Variants in SLC13A3 observed in about 807,000 individuals in gnomAD.
SLC13A3 encodes the protein solute carrier family 13 member 3, also known as Na(+)/dicarboxylate cotransporter 3.
A neutral mutation model predicts 59.0 loss-of-function variants in SLC13A3; 40 were observed. The observed-to-expected ratio is 0.68, with a 90% CI of 0.53 to 0.88. The LOEUF (loss-of-function observed/expected upper bound fraction) is 0.88. Ranked by LOEUF, SLC13A3 falls within the 40% of genes least tolerant of loss-of-function variation. The pLI is 0.00. For synonymous variants in SLC13A3, 317 were observed against 330.3 expected (o/e 0.96, Z 0.44); for missense variants, 699 against 783.2 (o/e 0.89, Z 1.28).
chr20:46,634,550 G>A (rs767642153), intron 1 of SLC13A3, among the ~76,000 whole-genome samples: 3 of 152,094 alleles, frequency 2.0e-5, no homozygotes, highest in South Asian at 2.1e-4. Flanking sequence ...CCCTACAGTG[G>A]ACTCTGTTAG....
chr20:46,680,346 C>T (rs111880188), intron 1 of SLC13A3, among the ~76,000 whole-genome samples: 1,952 of 152,308 alleles, frequency 0.013, 35 homozygotes, highest in African/African-American at 0.043. Flanking sequence ...AATGACATCA[C>T]GATAATGATA....
At chr20:46,616,680 A>T (rs1346439726) in intron 1 of SLC13A3, among the ~76,000 whole-genome samples, 1 of 152,222 alleles carries the variant, frequency 6.6e-6, no homozygotes, top group Non-Finnish European at 1.5e-5. Flanking sequence ...GCAAACAAGG[A>T]TGTGGGGAAG....
chr20:46,616,650 C>T (rs970021279), intron 1 of SLC13A3, among the ~76,000 whole-genome samples: 2 of 152,206 alleles, frequency 1.3e-5, no homozygotes, highest in African/African-American at 4.8e-5. Flanking sequence ...AGGGCAGGCC[C>T]GTCCCAGGTA....
chr20:46,645,569 G>A (rs915883195), intron 1 of SLC13A3, among the ~76,000 whole-genome samples: 3 of 152,182 alleles, frequency 2.0e-5, no homozygotes, highest in African/African-American at 7.2e-5. Context: ...GCCAACTCCA[G>A]AAGACTTTGG....
chr20:46,645,135 C>T (rs994126242), intron 1 of SLC13A3, among the ~76,000 whole-genome samples: 3 of 152,146 alleles, frequency 2.0e-5, no homozygotes, highest in African/African-American at 7.2e-5. Context: ...GCTCACAGCC[C>T]CACATCACAT....
At chr20:46,610,703 C>CTGTAAAATGGATG in intron 2 of SLC13A3, 94 bp from the exon 3 acceptor site, 1 of 1,049,904 alleles carries the variant, frequency 9.5e-7, no homozygotes, top group Non-Finnish European at 1.4e-6. Context: ...TACAATCCAT[C>CTGTAAAATGGATG]CATTTTACAG....
chr20:46,582,584 C>CA, intron 9 of SLC13A3: 2 of 965,766 alleles, frequency 2.1e-6, no homozygotes, highest in South Asian at 4.8e-5. Flanking sequence ...GCCTGGGTGA[C>CA]AGAGTGAGAC....
At chr20:46,608,884 C>A in intron 3 of SLC13A3, 4 of 1,549,128 alleles carry the variant, frequency 2.6e-6, no homozygotes, top group Non-Finnish European at 3.5e-6. Context: ...TCTTTGGGTC[C>A]CAGGTGCCAT....
intron 1 of SLC13A3, among the ~76,000 whole-genome samples, chr20:46,626,047 G>C (rs980153902): frequency 2.0e-5 from 3 of 151,900 alleles, no homozygotes; most frequent in East Asian, 1.9e-4. Context: ...GATATAAATG[G>C]TAGGAAAGTT....
In SLC13A3 at chr20:46,589,259, A is replaced by G; in HGVS notation, c.921-4T>C. The G allele has an allele frequency of 1.2e-6, 2 of 1,613,954 alleles. No homozygotes were observed. The highest frequency in any genetic ancestry group is 1.7e-6 in the Non-Finnish European group (2 of 1,179,818). On this transcript the variant is annotated splice_region_variant and splice_polypyrimidine_tract_variant and intron_variant, in intron 6 of 12. Coordinates refer to ENST00000279027, the MANE Select transcript of SLC13A3 (RefSeq NM_022829.6). ...AGATTTATTCTTCCTCCAGCCCCTG[A>G]AACAGAAAGTGGGAGATTAGGAGTG...
At chr20:46,675,321 C>T (rs918310052) in intron 1 of SLC13A3, among the ~76,000 whole-genome samples, 5 of 151,872 alleles carry the variant, frequency 3.3e-5, no homozygotes, top group Admixed American at 6.6e-5. Context: ...CCTCTGCCTC[C>T]CAGGTTCAAG....
chr20:46,622,798 A>G (rs1226721478), intron 1 of SLC13A3, among the ~76,000 whole-genome samples: 1 of 152,162 alleles, frequency 6.6e-6, no homozygotes, highest in African/African-American at 2.4e-5. Context: ...AGATCTTACA[A>G]TATCAAAGGG....
chr20:46,622,095 CT>C (rs1320881345), intron 1 of SLC13A3, among the ~76,000 whole-genome samples: 1 of 152,206 alleles, frequency 6.6e-6, no homozygotes, highest in Non-Finnish European at 1.5e-5. Flanking sequence ...TTGCTTTTAT[CT>C]TGTTCACGTC....
rs573228862 is a variant in SLC13A3 at position 46,562,478 on chromosome 20, A to G, written c.1632+936T>C. 6.6e-5 allele frequency among the ~76,000 whole-genome samples: 10 copies of G among 151,940 alleles called. No homozygotes were observed. In the East Asian group the frequency reaches 1.7e-3, roughly 26 times the overall value. On this transcript the variant is annotated intron_variant, in intron 12 of 12. Transcript: ENST00000279027. Reference sequence around the variant, plus strand: ...CAGCTCCCATGTCACCTTCCTGGAGAGGGCTTCCCTGCCACCCCTCTCCCC... The same window carrying G: ...CAGCTCCCATGTCACCTTCCTGGAGGGGGCTTCCCTGCCACCCCTCTCCCC...
chr20:46,629,588 A>C (rs1440647005), intron 1 of SLC13A3, among the ~76,000 whole-genome samples: 1 of 150,538 alleles, frequency 6.6e-6, no homozygotes, highest in African/African-American at 2.4e-5. Context: ...TTACTTTTCC[A>C]CTTCATTTTG....
intron 1 of SLC13A3, among the ~76,000 whole-genome samples, chr20:46,627,875 A>T (rs2062692290): frequency 6.6e-6 from 1 of 152,190 alleles, no homozygotes. Flanking sequence ...ACAGATATAA[A>T]CTGAGGTCTG....
intron 3 of SLC13A3, chr20:46,609,207 C>T: frequency 7.9e-7 from 1 of 1,269,304 alleles, no homozygotes; most frequent in Non-Finnish European, 1.1e-6. Flanking sequence ...CACTTTGCAA[C>T]CATAAGACCA....
intron 12 of SLC13A3, among the ~76,000 whole-genome samples, chr20:46,560,619 CACAT>C: frequency 6.6e-6 from 1 of 152,286 alleles, no homozygotes; most frequent in East Asian, 1.9e-4. Context: ...CCATCCCACA[CACAT>C]ATACACACAC....
chr20:46,625,482 T>A (rs1252299621), intron 1 of SLC13A3, among the ~76,000 whole-genome samples: 1 of 152,212 alleles, frequency 6.6e-6, no homozygotes, highest in Non-Finnish European at 1.5e-5. Context: ...ACATGACTTT[T>A]AAAAAATAGC....
Sources: allele counts gnomAD v4.1 joint callset (sites outside exome capture counted in the v4.1 genomes callset), GRCh38; gene constraint gnomAD v4.1.1; transcripts MANE v1.5; gene names NCBI Gene and HGNC (gene_info 2026-07-23, HGNC 2026-07-21).